OR4N2: variants seen among roughly 807,000 people sequenced by gnomAD.
OR4N2 encodes the protein olfactory receptor 4N2.
For synonymous variants in OR4N2, 141 were observed against 140.4 expected (o/e 1.00, Z -0.03); for missense variants, 307 against 377.6 (o/e 0.81, Z 1.55).
At position 19,827,553 on chromosome 14, in the gene OR4N2, C is replaced by T. The variant is rs749939447; in HGVS notation, c.105C>T (p.Tyr35=). 1.2e-6 allele frequency: 2 copies of T among 1,613,576 alleles called. No individual in the cohort carries two copies. Among genetic ancestry groups the T allele is most frequent in the Non-Finnish European group, 1.7e-6 (2 of 1,179,458 alleles). ...LLVFVLVLIF[Y]FIILPGNFLI... ...TCTTTGTGCTAGTTTTAATATTCTA[C>T]TTCATCATCCTCCCTGGAAATTTTC... Residue 35 remains tyrosine, a synonymous_variant, in exon 2 of 2, where the codon TAC becomes TAT. Coordinates refer to ENST00000557677, the MANE Select transcript of OR4N2 (RefSeq NM_001004723.3).
At position 19,824,858 on chromosome 14, in the gene OR4N2, C is replaced by A. The variant is rs548318398; in HGVS notation, c.-9-2582C>A. ...GTTATTCAACTGTCTATGTTACCAG[C>A]AAAACTTCAGATCAACAATAATCAT... On this transcript the variant is annotated intron_variant, in intron 1 of 1. Transcript: ENST00000557677. 2.6e-5 allele frequency among the ~76,000 whole-genome samples: 4 copies of A among 152,332 alleles called. No homozygotes were observed. In the South Asian group the frequency reaches 8.3e-4, roughly 32 times the overall value.
At chr14:19,814,454 CTGAG>C (rs1215467101) in intron 1 of OR4N2, among the ~76,000 whole-genome samples, 2 of 152,168 alleles carry the variant, frequency 1.3e-5, no homozygotes, top group Admixed American at 1.3e-4. Context: ...CATCCTGCTA[CTGAG>C]TAAGGTGCTT....
chr14:19,811,851 G>T (rs1456558656), intron 1 of OR4N2, among the ~76,000 whole-genome samples: 5 of 152,264 alleles, frequency 3.3e-5, no homozygotes, highest in African/African-American at 9.6e-5. Flanking sequence ...TATAACATAT[G>T]ATGAAATCTT....
rs1356543873 is a variant in OR4N2 at position 19,828,485 on chromosome 14, T to C, written c.*113T>C. 2.0e-5 allele frequency: 22 copies of C among 1,106,034 alleles called. No homozygotes were observed. Among genetic ancestry groups the C allele is most frequent in the Non-Finnish European group, 2.7e-5 (21 of 789,254 alleles). 68.5% of individuals were successfully genotyped at this position (1,106,034 alleles called of 1,614,324 possible). A position where few individuals can be genotyped will look rare whatever the true frequency, so the allele number is the denominator to read the frequency against. On this transcript the variant is annotated 3_prime_UTR_variant, in exon 2 of 2. Transcript: ENST00000557677. ...GAGTACCTCCCATTTGTCAGGACTA[T>C]TCTGGGAACTGAAAAAAGAAATTAC... is the stretch of plus-strand genomic sequence containing the variant.
rs1201876108 is a variant in OR4N2 at position 19,809,745 on chromosome 14, T to A, written c.-10+5901T>A. Among the ~76,000 whole-genome samples the A allele has an allele frequency of 3.3e-5, 5 of 152,142 alleles. No individual in the cohort carries two copies. The East Asian group carries it at 5.8e-4, about 18-fold the overall frequency. On this transcript the variant is annotated intron_variant, in intron 1 of 1. Transcript: ENST00000557677. ...TCACAAAGAGGATAAAAACAAGCAA[T>A]AGGGAAAGGACTTTCTATTCAATAA... is the stretch of plus-strand genomic sequence containing the variant.
At chr14:19,808,747 G>T (rs1006984441) in intron 1 of OR4N2, among the ~76,000 whole-genome samples, 54 of 151,816 alleles carry the variant, frequency 3.6e-4, no homozygotes, top group African/African-American at 1.3e-3. Flanking sequence ...AGCCAAAAAA[G>T]CCTGAATAGT....
chr14:19,826,374 C>T (rs1384942206), intron 1 of OR4N2, among the ~76,000 whole-genome samples: 2 of 152,216 alleles, frequency 1.3e-5, no homozygotes, highest in African/African-American at 4.8e-5. Flanking sequence ...AACATTCATT[C>T]ATTGAAGCTG....
intron 1 of OR4N2, among the ~76,000 whole-genome samples, chr14:19,814,292 A>C (rs1879373403): frequency 6.6e-6 from 1 of 152,254 alleles, no homozygotes; most frequent in South Asian, 2.1e-4. Flanking sequence ...TACCAAGATC[A>C]TGATGCATCT....
chr14:19,825,846 T>C (rs10135841), intron 1 of OR4N2, among the ~76,000 whole-genome samples: 57,667 of 149,194 alleles, frequency 0.39, 6,784 homozygotes, highest in South Asian at 0.49. Context: ...GCATGAGTCA[T>C]CGTGCCCGGC....
chr14:19,826,385 T>C (rs1879700727), intron 1 of OR4N2, among the ~76,000 whole-genome samples: 1 of 152,284 alleles, frequency 6.6e-6, no homozygotes, highest in Non-Finnish European at 1.5e-5. Flanking sequence ...ATTGAAGCTG[T>C]GATTAAAAAA....
chr14:19,811,867 C>T (rs755990323), intron 1 of OR4N2, among the ~76,000 whole-genome samples: 6 of 152,244 alleles, frequency 3.9e-5, no homozygotes, highest in Non-Finnish European at 7.3e-5. Flanking sequence ...ATCTTGAATG[C>T]ATGCCCCCTT....
At position 19,828,041 on chromosome 14, in the gene OR4N2, T is replaced by C; in HGVS notation, c.593T>C (p.Leu198Pro). 1.9e-6 allele frequency: 3 copies of C among 1,614,266 alleles called. No individual in the cohort carries two copies. Among genetic ancestry groups the C allele is most frequent in the Non-Finnish European group, 2.5e-6 (3 of 1,180,050 alleles). The change falls in exon 2 of 2, where the codon CTG becomes CCG. Residue 198 changes from leucine to proline, a missense_variant. Transcript: ENST00000557677. ...ACCGACACATTTGTGGTGGAGCTTC[T>C]GATGGTCTTCAACAGTGGCCTGATG... Reference protein sequence around the residue: ...ACTDTFVVELLMVFNSGLMTL... With the variant: ...ACTDTFVVELPMVFNSGLMTL...
chr14:19,819,855 C>T (rs1311373656), intron 1 of OR4N2, among the ~76,000 whole-genome samples: 1 of 152,248 alleles, frequency 6.6e-6, no homozygotes, highest in East Asian at 1.9e-4. Flanking sequence ...TGGTGACCTT[C>T]AGTTGGGGTT....
chr14:19,810,073 A>G (rs1389777629), intron 1 of OR4N2, among the ~76,000 whole-genome samples: 1 of 152,244 alleles, frequency 6.6e-6, no homozygotes, highest in Admixed American at 6.5e-5. Context: ...CAAGCTACAA[A>G]ATGGGATAAA....
intron 1 of OR4N2, among the ~76,000 whole-genome samples, chr14:19,811,478 C>A (rs1172301277): frequency 3.9e-5 from 6 of 152,232 alleles, no homozygotes; most frequent in Non-Finnish European, 8.8e-5. Flanking sequence ...AATCTCCTGA[C>A]CTCGTGATCC....
At position 19,828,851 on chromosome 14, in the gene OR4N2, A is replaced by G. The variant is rs1197916518; in HGVS notation, c.*479A>G. The stretch of plus-strand genomic sequence containing the variant: ...ACTTGGTATATTTGAAGAATACAAT[A>G]AAGTCCATGTTACCCGGAATATAGT... On this transcript the variant is annotated 3_prime_UTR_variant, in exon 2 of 2. Transcript: ENST00000557677. 1.2e-5 allele frequency: 2 copies of G among 162,842 alleles called. No homozygotes were observed. Among genetic ancestry groups the G allele is most frequent in the East Asian group, 3.5e-4 (2 of 5,738 alleles). 10.1% of individuals were successfully genotyped at this position (162,842 alleles called of 1,614,324 possible). A position where few individuals can be genotyped will look rare whatever the true frequency, so the allele number is the denominator to read the frequency against.
intron 1 of OR4N2, among the ~76,000 whole-genome samples, chr14:19,823,511 G>A (rs1221649157): frequency 1.3e-5 from 2 of 152,226 alleles, no homozygotes; most frequent in African/African-American, 4.8e-5. Context: ...TCTCACTCTT[G>A]TTGGGAAAGA....
chr14:19,812,141 ACT>A (rs777287581), intron 1 of OR4N2, among the ~76,000 whole-genome samples: 23 of 152,292 alleles, frequency 1.5e-4, no homozygotes, highest in Admixed American at 2.0e-4. Flanking sequence ...ACAACTATTA[ACT>A]CTGAAAAACG....
intron 1 of OR4N2, among the ~76,000 whole-genome samples, chr14:19,818,783 T>C (rs1302223179): frequency 6.6e-6 from 1 of 152,278 alleles, no homozygotes; most frequent in Non-Finnish European, 1.5e-5. Flanking sequence ...GCTTCAATGG[T>C]CTTTACAATT....
Sources: gnomAD v4.1 joint callset for allele counts (sites outside exome capture counted in the v4.1 genomes callset) on GRCh38, gnomAD v4.1.1 for gene constraint, MANE v1.5 for transcripts, NCBI Gene and HGNC (gene_info 2026-07-23, HGNC 2026-07-21) for gene names.